The following TAFA1 variants were observed in gnomAD, a reference collection of about 807,000 sequenced individuals.
TAFA1 encodes the protein chemokine-like protein TAFA-1.
A neutral mutation model predicts 18.5 loss-of-function variants in TAFA1; 4 were observed. The observed-to-expected ratio is 0.22, with a 90% CI of 0.11 to 0.49. The LOEUF (loss-of-function observed/expected upper bound fraction) is 0.49, where lower values mean the gene tolerates loss of function less well. TAFA1 is among the 20% of genes least tolerant of loss of function. The pLI is 0.98. For missense variants in TAFA1, 147 were observed against 169.0 expected, an observed-to-expected ratio of 0.87 and a Z score of 0.72; for synonymous variants, 56 against 55.2, an observed-to-expected ratio of 1.01 and a Z score of -0.06.
At chr3:68,155,597 A>C (rs997233991) in intron 2 of TAFA1, among the ~76,000 whole-genome samples, 4 of 151,914 alleles carry the variant, frequency 2.6e-5, no homozygotes, top group Admixed American at 2.0e-4. Flanking sequence ...CCCAAGGGGA[A>C]GTGATTGTCC....
At chr3:68,275,707 A>G (rs1419466989) in intron 2 of TAFA1, among the ~76,000 whole-genome samples, 2 of 152,116 alleles carry the variant, frequency 1.3e-5, no homozygotes, top group Non-Finnish European at 2.9e-5. Flanking sequence ...AGTGGAGAAG[A>G]GATCTGAAGA....
intron 3 of TAFA1, among the ~76,000 whole-genome samples, chr3:68,445,167 T>C (rs2071453995): frequency 1.3e-5 from 2 of 152,162 alleles, no homozygotes; most frequent in Admixed American, 1.3e-4. Flanking sequence ...TTTTGAGCAT[T>C]TTATTTTCTT....
intron 3 of TAFA1, among the ~76,000 whole-genome samples, chr3:68,526,004 A>T (rs1163367018): frequency 6.6e-6 from 1 of 152,200 alleles, no homozygotes; most frequent in Non-Finnish European, 1.5e-5. Flanking sequence ...TGACAGCTTA[A>T]TAAAATAAGA....
In TAFA1 at chr3:68,241,611, C is replaced by A. The variant is rs528127188; in HGVS notation, c.119-175669C>A. ...ACTTCCCATGGTGCCTTGGGAGCAA[C>A]ATTGTTGCCTTTTAATTTCCTCTGA... On this transcript the variant is annotated intron_variant, in intron 2 of 4. Transcript: ENST00000478136. 3.3e-4 allele frequency among the ~76,000 whole-genome samples: 50 copies of A among 152,218 alleles called. 1 individual carries two copies. The highest frequency in any genetic ancestry group is 1.2e-3 in the African/African-American group (49 of 41,550).
At chr3:68,037,622 G>GA (rs546056474) in intron 2 of TAFA1, among the ~76,000 whole-genome samples, 21 of 152,140 alleles carry the variant, frequency 1.4e-4, no homozygotes, top group African/African-American at 4.8e-4. Flanking sequence ...AGTTTTAGTG[G>GA]AAAAAAATCA....
chr3:68,396,366 G>A (rs2070383628), intron 2 of TAFA1, among the ~76,000 whole-genome samples: 1 of 152,078 alleles, frequency 6.6e-6, no homozygotes, highest in Non-Finnish European at 1.5e-5. Context: ...AAGTATCCCT[G>A]GTGTCCCTTC....
chr3:68,486,402 G>T (rs549762117), intron 3 of TAFA1, among the ~76,000 whole-genome samples: 1 of 152,056 alleles, frequency 6.6e-6, no homozygotes, highest in African/African-American at 2.4e-5. Flanking sequence ...AATTCAGGCC[G>T]TCTACCTGGA....
chr3:68,252,592 T>C (rs2067218896), intron 2 of TAFA1, among the ~76,000 whole-genome samples: 2 of 152,132 alleles, frequency 1.3e-5, no homozygotes, highest in South Asian at 2.1e-4. Context: ...TCTCTTATCA[T>C]TGGAGGCATC....
chr3:68,429,673 C>G (rs2071130023), intron 3 of TAFA1, among the ~76,000 whole-genome samples: 1 of 151,906 alleles, frequency 6.6e-6, no homozygotes, highest in Non-Finnish European at 1.5e-5. Flanking sequence ...TCTCCTCATT[C>G]CCGAATTTCA....
intron 2 of TAFA1, among the ~76,000 whole-genome samples, chr3:68,265,833 C>A (rs970252805): frequency 6.6e-6 from 1 of 152,124 alleles, no homozygotes; most frequent in African/African-American, 2.4e-5. Context: ...ATTAAAATGC[C>A]AGGCCTTAGT....
At chr3:68,385,081 G>A (rs903990004) in intron 2 of TAFA1, among the ~76,000 whole-genome samples, 6 of 151,672 alleles carry the variant, frequency 4.0e-5, no homozygotes, top group African/African-American at 1.5e-4. Context: ...ATTACTAACT[G>A]TGGGACCTTG....
intron 2 of TAFA1, among the ~76,000 whole-genome samples, chr3:68,276,252 G>A (rs1575739207): frequency 6.6e-6 from 1 of 152,006 alleles, no homozygotes; most frequent in African/African-American, 2.4e-5. Flanking sequence ...CTAAAGCAAC[G>A]CTTCTCAACG....
intron 2 of TAFA1, among the ~76,000 whole-genome samples, chr3:68,248,591 C>CTTGAGAATGA (rs2067129720): frequency 6.6e-6 from 1 of 151,832 alleles, no homozygotes; most frequent in Non-Finnish European, 1.5e-5. Context: ...CTTAAGCATA[C>CTTGAGAATGA]CCTGAGAATG....
At chr3:68,026,668 C>T (rs776378460) in intron 2 of TAFA1, among the ~76,000 whole-genome samples, 8 of 152,086 alleles carry the variant, frequency 5.3e-5, no homozygotes, top group Non-Finnish European at 1.0e-4. Flanking sequence ...CCCAATGTCT[C>T]ACAGCTAGTA....
chr3:68,188,419 T>C (rs928854265), intron 2 of TAFA1, among the ~76,000 whole-genome samples: 3 of 151,010 alleles, frequency 2.0e-5, no homozygotes, highest in South Asian at 2.1e-4. Context: ...TTCTTAGCTA[T>C]CTTTCTAAAT....
intron 2 of TAFA1, among the ~76,000 whole-genome samples, chr3:68,196,823 T>C (rs1164304028): frequency 2.0e-5 from 3 of 151,778 alleles, no homozygotes; most frequent in Non-Finnish European, 4.4e-5. Flanking sequence ...TAATTGGCCC[T>C]GTTTAGCTCA....
intron 2 of TAFA1, among the ~76,000 whole-genome samples, chr3:68,265,312 C>G (rs1012189077): frequency 6.6e-6 from 1 of 152,190 alleles, no homozygotes; most frequent in Non-Finnish European, 1.5e-5. Context: ...TCACTGTGTA[C>G]TCCAAAGGGC....
In TAFA1 at chr3:68,366,938, G is replaced by T. The variant is rs186554291; in HGVS notation, c.119-50342G>T. 2.3e-3 allele frequency among the ~76,000 whole-genome samples: 343 copies of T among 152,272 alleles called. 1 individual carries two copies. The highest frequency in any genetic ancestry group is 8.1e-3 in the African/African-American group (336 of 41,532). ...GTGTTTGTATTCTGACCTGTCAATTGTGACACTCTGGACATTGACCCTGAC... is the reference window on the plus strand; with the variant it reads ...GTGTTTGTATTCTGACCTGTCAATTTTGACACTCTGGACATTGACCCTGAC... On this transcript the variant is annotated intron_variant, in intron 2 of 4. Coordinates refer to ENST00000478136, the MANE Select transcript of TAFA1 (RefSeq NM_213609.4).
At chr3:68,163,339 A>G (rs1430583671) in intron 2 of TAFA1, among the ~76,000 whole-genome samples, 1 of 152,198 alleles carries the variant, frequency 6.6e-6, no homozygotes, top group Non-Finnish European at 1.5e-5. Context: ...TCCTTGCTGT[A>G]TTACCTTTGG....
Sources: allele counts gnomAD v4.1 joint callset (sites outside exome capture counted in the v4.1 genomes callset), GRCh38; gene constraint gnomAD v4.1.1; transcripts MANE v1.5; gene names NCBI Gene and HGNC (gene_info 2026-07-23, HGNC 2026-07-21).